The following ARHGEF28 variants were observed in gnomAD, a reference collection of about 807,000 sequenced individuals.
ARHGEF28 encodes the protein Rho guanine nucleotide exchange factor 28, also known as 190 kDa guanine nucleotide exchange factor.
A neutral mutation model predicts 206.6 loss-of-function variants in ARHGEF28; 152 were observed. The ratio of observed to expected loss-of-function variants is 0.74; its 90% CI spans 0.64 to 0.84. ARHGEF28 has a LOEUF of 0.84. Among genes scored for constraint, ARHGEF28 ranks in the 40% least tolerant of loss-of-function variants. The pLI, the probability that ARHGEF28 is intolerant of heterozygous loss-of-function variation, is 0.00. For missense variants in ARHGEF28, 2,028 were observed against 2,073.2 expected (o/e 0.98, Z 0.42); for synonymous variants, 763 against 776.4 (o/e 0.98, Z 0.29).
intron 1 of ARHGEF28, among the ~76,000 whole-genome samples, chr5:73,642,050 C>T (rs1477104377): frequency 1.3e-5 from 2 of 152,110 alleles, no homozygotes; most frequent in African/African-American, 2.4e-5. Flanking sequence ...GGCTCTAAGC[C>T]CTTGCTCTCA....
intron 11 of ARHGEF28, 86 bp from the exon 12 acceptor site, chr5:73,846,182 A>C: frequency 7.6e-7 from 1 of 1,307,464 alleles, no homozygotes; most frequent in Non-Finnish European, 1.1e-6. Context: ...GCCCCAGTGA[A>C]AGAATCTGGA....
chr5:73,929,995 A>C (rs1318606772), intron 35 of ARHGEF28, among the ~76,000 whole-genome samples: 2 of 151,932 alleles, frequency 1.3e-5, no homozygotes, highest in Non-Finnish European at 2.9e-5. Flanking sequence ...CACTTTAATG[A>C]AAAAATTTTA....
At chr5:73,770,351 G>A (rs989034502) in intron 4 of ARHGEF28, among the ~76,000 whole-genome samples, 30 of 152,174 alleles carry the variant, frequency 2.0e-4, no homozygotes, top group African/African-American at 7.0e-4. Flanking sequence ...TATGCAGTAA[G>A]GAATGGCTTA....
At chr5:73,918,354 T>C (rs888994486) in intron 35 of ARHGEF28, among the ~76,000 whole-genome samples, 1 of 152,174 alleles carries the variant, frequency 6.6e-6, no homozygotes, top group Non-Finnish European at 1.5e-5. Flanking sequence ...GTAGTTTGCC[T>C]ACCCCAGAGG....
intron 14 of ARHGEF28, among the ~76,000 whole-genome samples, chr5:73,853,109 A>G (rs1394243918): frequency 1.3e-5 from 2 of 152,256 alleles, no homozygotes; most frequent in East Asian, 3.8e-4. Flanking sequence ...ATTTTTGCCT[A>G]GTAGCCCTTC....
chr5:73,641,643 C>T lies in ARHGEF28; in HGVS notation c.-12+15321C>T, dbSNP rs896837321. 2.0e-5 allele frequency among the ~76,000 whole-genome samples: 3 copies of T among 152,002 alleles called. No homozygotes were observed. The South Asian group carries it at 6.2e-4, about 32-fold the overall frequency. On this transcript the variant is annotated intron_variant, in intron 1 of 35. Transcript: ENST00000513042. ...TTCTGGGGATGAGTGGTATTCCTAC[C>T]ACAGAAGACAGGGATCTCTCATAAT...
At chr5:73,868,270 C>A in intron 20 of ARHGEF28, 43 bp downstream of exon 20, 1 of 1,520,260 alleles carries the variant, frequency 6.6e-7, no homozygotes, top group South Asian at 1.3e-5. Context: ...TTTTTGTTAG[C>A]ATTTGCCAAA....
At chr5:73,737,949 C>A (rs1431213969) in intron 2 of ARHGEF28, among the ~76,000 whole-genome samples, 1 of 152,162 alleles carries the variant, frequency 6.6e-6, no homozygotes, top group Non-Finnish European at 1.5e-5. Context: ...TATGACTGGG[C>A]TGGCCTTTTT....
intron 15 of ARHGEF28, 84 bp downstream of exon 15, chr5:73,857,863 G>A (rs1052821860): frequency 8.2e-6 from 12 of 1,464,236 alleles, no homozygotes; most frequent in Non-Finnish European, 1.0e-5. Flanking sequence ...CTTTCCCTTT[G>A]AAATCACTTA....
intron 4 of ARHGEF28, among the ~76,000 whole-genome samples, chr5:73,768,911 C>T (rs1405447003): frequency 6.6e-6 from 1 of 151,952 alleles, no homozygotes; most frequent in Non-Finnish European, 1.5e-5. Flanking sequence ...TGGGTCTTTC[C>T]TGCACTGTTC....
rs34258155 is a variant in ARHGEF28 at position 73,834,542 on chromosome 5, C to CTGTGTG, written c.1146+2110_1146+2115dup. 3.2e-4 allele frequency among the ~76,000 whole-genome samples: 47 copies of CTGTGTG among 146,320 alleles called. 1 individual carries two copies. The highest frequency in any genetic ancestry group is 1.1e-3 in the South Asian group (5 of 4,552). ...TCTTTTCTAGGGCTGAATAATATTC[C>CTGTGTG]TGTGTGTGTGTGTGTGTGTGTGTGT... is the stretch of plus-strand genomic sequence containing the variant. On this transcript the variant is annotated intron_variant, in intron 10 of 35. Transcript: ENST00000513042.
At chr5:73,884,453 G>A (rs1313554311) in intron 24 of ARHGEF28, among the ~76,000 whole-genome samples, 2 of 152,138 alleles carry the variant, frequency 1.3e-5, no homozygotes, top group African/African-American at 2.4e-5. Flanking sequence ...AATGTCTAGT[G>A]CAATGGCTGG....
At chr5:73,652,761 G>A (rs973093538) in intron 1 of ARHGEF28, among the ~76,000 whole-genome samples, 3 of 152,188 alleles carry the variant, frequency 2.0e-5, no homozygotes, top group Non-Finnish European at 4.4e-5. Context: ...ATCCTTGTAT[G>A]TCCAGGAGTG....
At chr5:73,768,338 A>G (rs773699698) in intron 4 of ARHGEF28, among the ~76,000 whole-genome samples, 3 of 152,282 alleles carry the variant, frequency 2.0e-5, no homozygotes, top group Non-Finnish European at 2.9e-5. Flanking sequence ...AGCCACAGAC[A>G]CTCAATATCA....
intron 1 of ARHGEF28, among the ~76,000 whole-genome samples, chr5:73,665,763 C>G (rs4704089): frequency 0.48 from 72,359 of 151,776 alleles, 18,016 homozygotes; most frequent in East Asian, 0.78. Flanking sequence ...ATGACCTAAT[C>G]ACCTCTTAAA....
At chr5:73,829,067 T>C (rs1375353690) in intron 9 of ARHGEF28, among the ~76,000 whole-genome samples, 1 of 152,230 alleles carries the variant, frequency 6.6e-6, no homozygotes, top group Non-Finnish European at 1.5e-5. Context: ...GTGATTCACC[T>C]GCCTCAGTTT....
intron 35 of ARHGEF28, among the ~76,000 whole-genome samples, chr5:73,920,749 G>A (rs566567273): frequency 2.0e-5 from 3 of 151,920 alleles, no homozygotes; most frequent in East Asian, 1.9e-4. Context: ...TTATTTTTCC[G>A]TTAGAATATT....
chr5:73,662,147 C>T (rs1446656690), intron 1 of ARHGEF28, among the ~76,000 whole-genome samples: 1 of 152,148 alleles, frequency 6.6e-6, no homozygotes, highest in Non-Finnish European at 1.5e-5. Flanking sequence ...GAGAGTAGTT[C>T]AGTTCATGAC....
intron 1 of ARHGEF28, among the ~76,000 whole-genome samples, chr5:73,646,142 G>A (rs1339101874): frequency 6.6e-6 from 1 of 152,154 alleles, no homozygotes; most frequent in Non-Finnish European, 1.5e-5. Flanking sequence ...ATACCCAAAA[G>A]TCTGTTTTTA....
Sources: allele counts gnomAD v4.1 joint callset (sites outside exome capture counted in the v4.1 genomes callset), GRCh38; gene constraint gnomAD v4.1.1; transcripts MANE v1.5; gene names NCBI Gene and HGNC (gene_info 2026-07-23, HGNC 2026-07-21).